Variants in KATNIP observed in about 807,000 individuals in gnomAD.
KATNIP encodes the protein katanin interacting protein, also known as katanin-interacting protein.
KATNIP carries 126 observed loss-of-function variants against 174.0 expected under a neutral mutation model. That is an observed-to-expected ratio of 0.72 (90% CI 0.63 to 0.84). KATNIP has a LOEUF of 0.84. Among genes scored for constraint, KATNIP ranks in the 40% least tolerant of loss-of-function variants. The pLI, the probability that KATNIP is intolerant of heterozygous loss-of-function variation, is 0.00. For synonymous variants in KATNIP, 810 were observed against 835.7 expected, an observed-to-expected ratio of 0.97 and a Z score of 0.53; for missense variants, 1,958 against 2,109.7, an observed-to-expected ratio of 0.93 and a Z score of 1.41.
Position 27,569,537 on chromosome 16 carries a change from A to G in KATNIP, c.8-4364A>G, listed in dbSNP as rs151068566. On this transcript the variant is annotated intron_variant, in intron 1 of 27. Transcript: ENST00000261588. ...ACCCCCTTAATTTTGCAAGTGGCAT[A>G]TATTGATATTAATGTCACCTTTTTC... Among the ~76,000 whole-genome samples, 414 of 152,346 alleles carry G rather than the reference A, an allele frequency of 2.7e-3. 4 individuals are homozygous for G. Among genetic ancestry groups the G allele is most frequent in the South Asian group, 0.021 (101 of 4,828 alleles).
rs192888520 is a variant in KATNIP, at chr16:27,600,837, C to G, written c.64-17588C>G. 2.2e-4 allele frequency among the ~76,000 whole-genome samples: 33 copies of G among 152,044 alleles called. 1 individual carries two copies. The highest frequency in any genetic ancestry group is 6.6e-4 in the Admixed American group (10 of 15,254). On this transcript the variant is annotated intron_variant, in intron 2 of 27. Coordinates refer to ENST00000261588, the MANE Select transcript of KATNIP (RefSeq NM_015202.5). ...CTCCGCCTCCCAGATTCAAGCGATT[C>G]TCCTGCCTCAGCCTCCCGAGTACCT... is the stretch of plus-strand genomic sequence containing the variant.
At chr16:27,618,311 C>A in intron 2 of KATNIP, 114 bp from the exon 3 acceptor site, 3 of 773,704 alleles carry the variant, frequency 3.9e-6, no homozygotes, top group Middle Eastern at 2.6e-4. Flanking sequence ...GTTGGGCCTT[C>A]GTCAAGGTCA....
chr16:27,610,211 C>T (rs925931946), intron 2 of KATNIP, among the ~76,000 whole-genome samples: 3 of 152,108 alleles, frequency 2.0e-5, no homozygotes, highest in African/African-American at 7.2e-5. Flanking sequence ...GCAGGGAGGA[C>T]AGAAGGCAGG....
intron 6 of KATNIP, 42 bp from the exon 7 acceptor site, chr16:27,677,687 G>A: frequency 1.3e-6 from 2 of 1,561,594 alleles, no homozygotes; most frequent in East Asian, 2.3e-5. Context: ...TTTTCTCAAG[G>A]TACCATATTT....
chr16:27,690,495 A>G (rs1053125120), intron 8 of KATNIP, among the ~76,000 whole-genome samples: 5 of 152,198 alleles, frequency 3.3e-5, no homozygotes, highest in African/African-American at 4.8e-5. Context: ...AGCGGTCCAC[A>G]TACAGGGGTG....
intron 18 of KATNIP, among the ~76,000 whole-genome samples, chr16:27,755,947 G>A (rs139662809): frequency 2.4e-4 from 37 of 152,262 alleles, no homozygotes; most frequent in Non-Finnish European, 5.0e-4. Context: ...ATGGCTTTTT[G>A]CAAGGAGACT....
At chr16:27,627,458 G>A (rs949725564) in intron 3 of KATNIP, among the ~76,000 whole-genome samples, 10 of 152,228 alleles carry the variant, frequency 6.6e-5, no homozygotes, top group African/African-American at 2.4e-5. Context: ...AATCAACGGC[G>A]TAATAAGGCA....
At chr16:27,660,134 C>A in intron 6 of KATNIP, 1 of 337,748 alleles carries the variant, frequency 3.0e-6, no homozygotes, top group Non-Finnish European at 4.2e-6. Context: ...AAGTCATACT[C>A]CTCTGGGGCC....
intron 18 of KATNIP, among the ~76,000 whole-genome samples, chr16:27,756,732 T>C (rs899713471): frequency 3.3e-5 from 5 of 152,222 alleles, no homozygotes; most frequent in Non-Finnish European, 5.9e-5. Flanking sequence ...AATGGAAATT[T>C]AATTCAAGCT....
intron 23 of KATNIP, among the ~76,000 whole-genome samples, 165 bp downstream of exon 23, chr16:27,773,374 G>A (rs890449634): frequency 3.3e-5 from 5 of 152,174 alleles, no homozygotes; most frequent in Non-Finnish European, 7.4e-5. Flanking sequence ...ACGGGCAGCA[G>A]AGAGCAGCTC....
intron 6 of KATNIP, among the ~76,000 whole-genome samples, chr16:27,649,057 C>T (rs1422782041): frequency 1.3e-5 from 2 of 152,172 alleles, no homozygotes; most frequent in Non-Finnish European, 2.9e-5. Context: ...GAGAGGATCC[C>T]GGAAGGCTTC....
chr16:27,741,235 TA>T (rs1021768316), intron 15 of KATNIP, among the ~76,000 whole-genome samples: 7 of 152,236 alleles, frequency 4.6e-5, no homozygotes, highest in Non-Finnish European at 8.8e-5. Context: ...CTGCCTTTCA[TA>T]GAGACATCGG....
At position 27,608,572 on chromosome 16, in the gene KATNIP, T is replaced by C. The variant is rs542814193; in HGVS notation, c.64-9853T>C. 7.3e-5 allele frequency among the ~76,000 whole-genome samples: 11 copies of C among 150,898 alleles called. No individual in the cohort carries two copies. In the South Asian group the frequency reaches 2.1e-3, roughly 29 times the overall value. On this transcript the variant is annotated intron_variant, in intron 2 of 27. Transcript: ENST00000261588. ...TCACTCTGCTGCCCAGGCTGGAGTC[T>C]GGTGGCACGGTCATAGCTCACTGTA...
At chr16:27,750,948 G>C (rs1380100335) in intron 16 of KATNIP, among the ~76,000 whole-genome samples, 2 of 151,570 alleles carry the variant, frequency 1.3e-5, no homozygotes, top group East Asian at 3.9e-4. Context: ...GGCTGGTCTC[G>C]AACTCCTGGG....
chr16:27,679,490 C>A (rs1055621462), intron 7 of KATNIP, among the ~76,000 whole-genome samples: 3 of 152,094 alleles, frequency 2.0e-5, no homozygotes, highest in African/African-American at 7.2e-5. Context: ...CACAGTGGCT[C>A]ATGTCTGTAA....
chr16:27,595,296 C>T (rs961411156), intron 2 of KATNIP, among the ~76,000 whole-genome samples: 1 of 152,066 alleles, frequency 6.6e-6, no homozygotes, highest in Admixed American at 6.6e-5. Context: ...CTAAGGTGGG[C>T]GGATCACTTG....
chr16:27,777,790 C>G lies in KATNIP; in HGVS notation c.4712+20C>G. On this transcript the variant is annotated intron_variant, in intron 26 of 27. Transcript: ENST00000261588. This position sits in a 1 kb window ranked among gnomAD's most constrained non-coding sequence, Gnocchi z 4.4. ...CATCAGGTAGGGCCCCAGCCGGCCC[C>G]ATGGCCTCCCCACCAGCCCTAAGGA... 1 of 1,612,856 alleles carries G rather than the reference C, an allele frequency of 6.2e-7. No homozygotes were observed. The highest frequency in any genetic ancestry group is 8.5e-7 in the Non-Finnish European group (1 of 1,179,078).
At chr16:27,580,683 C>G (rs116664791) in intron 2 of KATNIP, among the ~76,000 whole-genome samples, 322 of 148,382 alleles carry the variant, frequency 2.2e-3, no homozygotes, top group African/African-American at 7.6e-3. Flanking sequence ...ATGCAATACA[C>G]ATTGTTTTCT....
At chr16:27,623,538 C>T (rs2076252809) in intron 3 of KATNIP, among the ~76,000 whole-genome samples, 1 of 152,138 alleles carries the variant, frequency 6.6e-6, no homozygotes, top group African/African-American at 2.4e-5. Context: ...TAGCTCACTG[C>T]ACTCTCCAAC....
Sources: allele counts gnomAD v4.1 joint callset (sites outside exome capture counted in the v4.1 genomes callset), GRCh38; gene constraint gnomAD v4.1.1; non-coding constraint Gnocchi (gnomAD v3.1); transcripts MANE v1.5; gene names NCBI Gene and HGNC (gene_info 2026-07-23, HGNC 2026-07-21).